The following SCD5 variants were observed in gnomAD, a reference collection of about 807,000 sequenced individuals.
SCD5 encodes the protein stearoyl-CoA desaturase 5.
Under a neutral mutation model 30.4 loss-of-function variants are expected in SCD5, and 20 were observed. The ratio of observed to expected loss-of-function variants is 0.66; its 90% CI spans 0.46 to 0.96. SCD5 has a LOEUF of 0.96. SCD5 is among the 40% of genes least tolerant of loss of function. The probability of loss-of-function intolerance (pLI) is 0.00; values close to 1 mark genes in which losing one functional copy is unlikely to be tolerated. For synonymous variants in SCD5, 173 were observed against 176.4 expected, an observed-to-expected ratio of 0.98 and a Z score of 0.16; for missense variants, 381 against 443.3, an observed-to-expected ratio of 0.86 and a Z score of 1.26.
intron 1 of SCD5, among the ~76,000 whole-genome samples, chr4:82,787,660 G>A (rs914518691): frequency 6.6e-6 from 1 of 152,116 alleles, no homozygotes; most frequent in Non-Finnish European, 1.5e-5. Flanking sequence ...ATTAGGAGGT[G>A]GGGCTTTGGG....
Position 82,798,636 on chromosome 4 carries a change from G to T in SCD5, c.-99C>A, listed in dbSNP as rs920246330. 53 of 1,026,280 alleles carry T rather than the reference G, an allele frequency of 5.2e-5. No homozygotes were observed. In the African/African-American group the frequency reaches 7.7e-4, roughly 15 times the overall value. 63.6% of individuals were successfully genotyped at this position (1,026,280 alleles called of 1,614,324 possible). ...GGCGGGGGCTTCTGCCTTTTAGGGG[G>T]GAATTCTCCGCACGTCCAGTCCCCT... is the stretch of plus-strand genomic sequence containing the variant. On this transcript the variant is annotated 5_prime_UTR_variant, in exon 1 of 5. Transcript: ENST00000319540.
chr4:82,693,224 A>G (rs59028024), intron 2 of SCD5, among the ~76,000 whole-genome samples: 20,653 of 152,098 alleles, frequency 0.14, 2,057 homozygotes, highest in African/African-American at 0.27. Context: ...CCTGATACTC[A>G]GCTCCGGTGC....
At chr4:82,753,832 G>A (rs888303028) in intron 1 of SCD5, among the ~76,000 whole-genome samples, 2 of 152,146 alleles carry the variant, frequency 1.3e-5, no homozygotes, top group African/African-American at 4.8e-5. Flanking sequence ...GGGATTAAAA[G>A]GCAGACAGGG....
chr4:82,697,718 G>A (rs1399602810), intron 2 of SCD5, among the ~76,000 whole-genome samples: 5 of 152,274 alleles, frequency 3.3e-5, no homozygotes, highest in South Asian at 2.1e-4. Context: ...CGTACCCCAC[G>A]CAGCAGCCTC....
chr4:82,668,807 A>T (rs1483353152), intron 3 of SCD5, among the ~76,000 whole-genome samples: 2 of 152,174 alleles, frequency 1.3e-5, no homozygotes, highest in Non-Finnish European at 2.9e-5. Flanking sequence ...GCATGGTTGT[A>T]CTTAAAAGCC....
intron 3 of SCD5, among the ~76,000 whole-genome samples, chr4:82,661,959 C>G (rs1728019522): frequency 6.6e-6 from 1 of 152,182 alleles, no homozygotes; most frequent in Admixed American, 6.5e-5. Context: ...GGGGACGTTT[C>G]CACTGTGTCA....
At chr4:82,793,550 T>C (rs1722143576) in intron 1 of SCD5, among the ~76,000 whole-genome samples, 1 of 152,238 alleles carries the variant, frequency 6.6e-6, no homozygotes, top group Non-Finnish European at 1.5e-5. Context: ...CCAAGTTCTG[T>C]GCCATCTTTG....
chr4:82,637,990 T>C (rs1351693585), intron 3 of SCD5, among the ~76,000 whole-genome samples: 1 of 152,150 alleles, frequency 6.6e-6, no homozygotes, highest in African/African-American at 2.4e-5. Context: ...ATCCTGATGC[T>C]TTCCCCTCCC....
intron 2 of SCD5, among the ~76,000 whole-genome samples, chr4:82,685,209 C>T (rs571481907): frequency 3.9e-5 from 6 of 151,938 alleles, no homozygotes; most frequent in East Asian, 1.9e-4. Flanking sequence ...GGTAGGTGGG[C>T]GAGCGAGAGA....
intron 1 of SCD5, among the ~76,000 whole-genome samples, chr4:82,781,223 T>A (rs1377482919): frequency 6.6e-6 from 1 of 152,146 alleles, no homozygotes. Flanking sequence ...GAGACCAGCC[T>A]GGGCAACATG....
chr4:82,705,286 G>A lies in SCD5; in HGVS notation c.360C>T (p.Phe120=), dbSNP rs1476503716. The change falls in exon 2 of 5, where the codon TTC becomes TTT. Residue 120 remains phenylalanine (F), a synonymous_variant. Transcript: ENST00000319540. The stretch of plus-strand genomic sequence containing the variant: ...AGAGAGGACCCTCCATCCTCACCTG[G>A]AAAGCCATGGAGTTGGCGACAGCCA... The part of the protein sequence containing the change: ...IFLAVANSMA[F]QNDIFEWSRD... 6.2e-7 allele frequency: 1 copy of A among 1,614,198 alleles called. No homozygotes were observed. The highest frequency in any genetic ancestry group is 8.5e-7 in the Non-Finnish European group (1 of 1,180,016).
intron 3 of SCD5, among the ~76,000 whole-genome samples, chr4:82,651,567 C>T (rs921228266): frequency 6.6e-6 from 1 of 152,092 alleles, no homozygotes; most frequent in African/African-American, 2.4e-5. Context: ...CACTGAAGAA[C>T]TTATCCATGT....
At chr4:82,741,784 T>C (rs915794434) in intron 1 of SCD5, among the ~76,000 whole-genome samples, 4 of 147,024 alleles carry the variant, frequency 2.7e-5, no homozygotes, top group East Asian at 2.0e-4. Flanking sequence ...AAGGAAATTA[T>C]TGAGACCTGG....
At chr4:82,638,962 A>G (rs1727485983) in intron 3 of SCD5, among the ~76,000 whole-genome samples, 1 of 152,270 alleles carries the variant, frequency 6.6e-6, no homozygotes, top group African/African-American at 2.4e-5. Flanking sequence ...CAGAAAGTTT[A>G]TGTAGCTGGC....
chr4:82,671,037 C>T (rs72661238), intron 3 of SCD5, among the ~76,000 whole-genome samples: 3,663 of 152,038 alleles, frequency 0.024, 73 homozygotes, highest in South Asian at 0.098. Context: ...TAAAACTAAA[C>T]GAATGGAGAA....
At chr4:82,744,403 G>A (rs1370660554) in intron 1 of SCD5, among the ~76,000 whole-genome samples, 1 of 152,178 alleles carries the variant, frequency 6.6e-6, no homozygotes, top group Non-Finnish European at 1.5e-5. Flanking sequence ...TTAGGACACA[G>A]CAGTTACTAA....
At chr4:82,730,472 AT>A (rs1406748697) in intron 1 of SCD5, among the ~76,000 whole-genome samples, 2 of 148,300 alleles carry the variant, frequency 1.3e-5, no homozygotes, top group African/African-American at 2.5e-5. Context: ...AATTTTTTGT[AT>A]TTTTAGTAGA....
At chr4:82,708,942 G>T (rs1391088794) in intron 1 of SCD5, among the ~76,000 whole-genome samples, 2 of 152,158 alleles carry the variant, frequency 1.3e-5, no homozygotes, top group Non-Finnish European at 2.9e-5. Context: ...CTTTCTATGT[G>T]CCAGGCCCTC....
intron 3 of SCD5, 70 bp downstream of exon 3, chr4:82,680,637 T>C: frequency 7.1e-7 from 1 of 1,403,890 alleles, no homozygotes; most frequent in Non-Finnish European, 1.0e-6. Flanking sequence ...GGGTTATGAG[T>C]CCACCTCATT....
Sources: allele counts gnomAD v4.1 joint callset (sites outside exome capture counted in the v4.1 genomes callset), GRCh38; gene constraint gnomAD v4.1.1; transcripts MANE v1.5; gene names NCBI Gene and HGNC (gene_info 2026-07-23, HGNC 2026-07-21).